Variants in BMPR1B observed in about 807,000 individuals in gnomAD.
BMPR1B encodes bone morphogenetic protein receptor type 1B, also known as bone morphogenetic protein receptor type-1B.
A neutral mutation model predicts 59.1 loss-of-function variants in BMPR1B; 12 were observed. The ratio of observed to expected loss-of-function variants is 0.20; its 90% CI spans 0.13 to 0.33. The LOEUF (loss-of-function observed/expected upper bound fraction) is 0.33, where lower values mean the gene tolerates loss of function less well. BMPR1B is among the 10% of genes least tolerant of loss of function. BMPR1B has a pLI of 1.00. For missense variants in BMPR1B, 550 were observed against 610.9 expected (o/e 0.90, Z 1.05); for synonymous variants, 237 against 207.3 (o/e 1.14, Z -1.23).
At chr4:94,862,906 C>T (rs1477343260) in intron 1 of BMPR1B, among the ~76,000 whole-genome samples, 29 of 146,444 alleles carry the variant, frequency 2.0e-4, no homozygotes, top group African/African-American at 7.1e-4. Context: ...GATCGCGCCT[C>T]TGCACTCCAG....
intron 1 of BMPR1B, among the ~76,000 whole-genome samples, chr4:94,759,831 GTT>G (rs1284699370): frequency 6.6e-6 from 1 of 152,212 alleles, no homozygotes; most frequent in African/African-American, 2.4e-5. Flanking sequence ...ATGCAAAAAA[GTT>G]TGTGTTATAA....
chr4:95,063,662 T>C (rs993078335), intron 3 of BMPR1B, among the ~76,000 whole-genome samples: 1 of 152,142 alleles, frequency 6.6e-6, no homozygotes, highest in Non-Finnish European at 1.5e-5. Context: ...TAAAACATTT[T>C]AGAATTTGTT....
intron 3 of BMPR1B, chr4:95,103,498 C>T (rs1057033634): frequency 3.0e-6 from 3 of 985,216 alleles, no homozygotes; most frequent in African/African-American, 3.5e-5. Flanking sequence ...GCTCTTACCA[C>T]AACGCCTGAA....
chr4:94,873,709 G>T (rs1002092886), intron 1 of BMPR1B, among the ~76,000 whole-genome samples: 1 of 151,880 alleles, frequency 6.6e-6, no homozygotes, highest in Admixed American at 6.6e-5. Context: ...TGCCCGGCCC[G>T]ACCATGAATT....
intron 1 of BMPR1B, among the ~76,000 whole-genome samples, chr4:94,842,980 A>G (rs537198482): frequency 4.6e-5 from 7 of 152,198 alleles, no homozygotes; most frequent in Admixed American, 2.0e-4. Flanking sequence ...CCCAGATTTC[A>G]TGAAACAGGG....
intron 3 of BMPR1B, among the ~76,000 whole-genome samples, chr4:95,027,625 C>T (rs1724518966): frequency 6.6e-6 from 1 of 152,076 alleles, no homozygotes; most frequent in Non-Finnish European, 1.5e-5. Flanking sequence ...AGGTACTTTC[C>T]ACATAGGCAG....
intron 10 of BMPR1B, among the ~76,000 whole-genome samples, chr4:95,133,661 T>A (rs1270072843): frequency 6.6e-6 from 1 of 152,094 alleles, no homozygotes; most frequent in Non-Finnish European, 1.5e-5. Context: ...AGCCTTGACC[T>A]TCGAGGCCCA....
At chr4:94,813,986 G>A (rs926935864) in intron 1 of BMPR1B, among the ~76,000 whole-genome samples, 1 of 152,186 alleles carries the variant, frequency 6.6e-6, no homozygotes, top group Non-Finnish European at 1.5e-5. Context: ...ATGCCTATGA[G>A]ATATGCAGGT....
chr4:95,037,246 A>G (rs1725324297), intron 3 of BMPR1B, among the ~76,000 whole-genome samples: 2 of 152,168 alleles, frequency 1.3e-5, no homozygotes, highest in African/African-American at 4.8e-5. Flanking sequence ...AAGAATGGCT[A>G]TATCCATGGA....
At chr4:94,944,144 C>T (rs1396183598) in intron 2 of BMPR1B, among the ~76,000 whole-genome samples, 1 of 151,952 alleles carries the variant, frequency 6.6e-6, no homozygotes, top group Non-Finnish European at 1.5e-5. Flanking sequence ...GACTTGGGTC[C>T]AACCCCAAGA....
intron 1 of BMPR1B, among the ~76,000 whole-genome samples, chr4:94,842,913 G>GTGTA (rs150599315): frequency 0.6 from 90,550 of 151,496 alleles, 28,150 homozygotes; most frequent in African/African-American, 0.78. Flanking sequence ...TACACACTGT[G>GTGTA]TGTATGCATG....
At chr4:94,774,947 C>T (rs996838679) in intron 1 of BMPR1B, among the ~76,000 whole-genome samples, 2 of 151,942 alleles carry the variant, frequency 1.3e-5, no homozygotes, top group African/African-American at 4.8e-5. Context: ...ACATGAGGAA[C>T]CTCAGAATTT....
intron 7 of BMPR1B, among the ~76,000 whole-genome samples, chr4:95,124,115 C>T (rs1448003231): frequency 1.3e-5 from 2 of 151,944 alleles, no homozygotes; most frequent in Non-Finnish European, 2.9e-5. Flanking sequence ...CTTCAGACTT[C>T]AAAACTACCC....
At chr4:94,886,978 G>A (rs187628211) in intron 2 of BMPR1B, among the ~76,000 whole-genome samples, 2 of 152,184 alleles carry the variant, frequency 1.3e-5, no homozygotes, top group Admixed American at 1.3e-4. Context: ...CTATTTAGAG[G>A]GTCAAATTAA....
chr4:95,086,998 CTTTT>C (rs34460668), intron 3 of BMPR1B, among the ~76,000 whole-genome samples: 289 of 103,090 alleles, frequency 2.8e-3, no homozygotes, highest in African/African-American at 0.011. Context: ...TCATATCCTT[CTTTT>C]TTTTTTTTTT....
intron 1 of BMPR1B, among the ~76,000 whole-genome samples, chr4:94,824,343 T>C (rs1315520986): frequency 1.3e-5 from 2 of 152,206 alleles, no homozygotes; most frequent in African/African-American, 4.8e-5. Context: ...GGTACACAGT[T>C]CTGTGGTAGC....
chr4:94,977,993 T>C (rs1468951003), intron 2 of BMPR1B, among the ~76,000 whole-genome samples: 1 of 152,170 alleles, frequency 6.6e-6, no homozygotes, highest in Non-Finnish European at 1.5e-5. Context: ...TTCTAGTACA[T>C]AACAAGAATC....
chr4:95,079,855 C>T (rs952034547), intron 3 of BMPR1B, among the ~76,000 whole-genome samples: 2 of 151,794 alleles, frequency 1.3e-5, no homozygotes, highest in Admixed American at 6.6e-5. Flanking sequence ...AAGACTGATT[C>T]GTTCCACATT....
intron 1 of BMPR1B, among the ~76,000 whole-genome samples, chr4:94,806,296 T>A (rs1723602121): frequency 6.6e-6 from 1 of 152,208 alleles, no homozygotes; most frequent in Non-Finnish European, 1.5e-5. Flanking sequence ...TCACATGCTT[T>A]TCCACCAAAA....
Sources: gnomAD v4.1 joint callset for allele counts (sites outside exome capture counted in the v4.1 genomes callset) on GRCh38, gnomAD v4.1.1 for gene constraint, MANE v1.5 for transcripts, NCBI Gene and HGNC (gene_info 2026-07-23, HGNC 2026-07-21) for gene names.